Variants in PRDM12 observed in about 807,000 individuals in gnomAD.
PRDM12 encodes PR/SET domain 12.
PRDM12 carries 17 observed loss-of-function variants against 29.6 expected under a neutral mutation model. The observed-to-expected ratio is 0.57, with a 90% confidence interval of 0.39 to 0.86. PRDM12 has a LOEUF of 0.86. PRDM12 is among the 40% of genes least tolerant of loss of function. The pLI, the probability that PRDM12 is intolerant of heterozygous loss-of-function variation, is 0.00. For missense variants in PRDM12, 422 were observed against 510.8 expected (o/e 0.83, Z 1.68); for synonymous variants, 231 against 225.8 (o/e 1.02, Z -0.21).
intron 4 of PRDM12, 122 bp downstream of exon 4, chr9:130,678,762 T>G: frequency 1.3e-6 from 1 of 753,758 alleles, no homozygotes. Flanking sequence ...GTTCAATGTC[T>G]GGCAGCATTG....
rs143730218 is a variant in PRDM12 at position 130,674,825 on chromosome 9, G to A, written c.571-3704G>A. Among the ~76,000 whole-genome samples, 17 of 152,160 alleles carry A rather than the reference G, an allele frequency of 1.1e-4. 1 individual carries two copies. The South Asian group carries it at 2.9e-3, about 26-fold the overall frequency. ...AAATTAATTTTAGTACATTAAAAGC[G>A]TTCTTAGTAAATAAATGACTCACCC... On this transcript the variant is annotated intron_variant, in intron 3 of 4. Transcript: ENST00000253008.
intron 3 of PRDM12, among the ~76,000 whole-genome samples, chr9:130,669,342 AAT>A (rs1830765868): frequency 6.6e-6 from 1 of 151,332 alleles, no homozygotes; most frequent in Non-Finnish European, 1.5e-5. Context: ...TAAATAAATA[AAT>A]AAATAAAAAT....
intron 4 of PRDM12, among the ~76,000 whole-genome samples, 159 bp downstream of exon 4, chr9:130,678,799 A>T (rs1830866644): frequency 6.6e-6 from 1 of 152,030 alleles, no homozygotes; most frequent in East Asian, 1.9e-4. Context: ...AGGTCCAAGG[A>T]GGCTGATGCC....
At position 130,670,165 on chromosome 9, in the gene PRDM12, C is replaced by T. The variant is rs182357254; in HGVS notation, c.570+1852C>T. 6.4e-4 allele frequency among the ~76,000 whole-genome samples: 97 copies of T among 152,256 alleles called. 2 individuals are homozygous for T. Among genetic ancestry groups the T allele is most frequent in the Admixed American group, 2.2e-3 (34 of 15,288 alleles). On this transcript the variant is annotated intron_variant, in intron 3 of 4. Coordinates refer to ENST00000253008, the MANE Select transcript of PRDM12 (RefSeq NM_021619.3). ...TGCAGAGGCAGTCAGGTGCTTCCCA[C>T]CCCACTTCTCTGCTCCCCTTGGGGT...
intron 1 of PRDM12, among the ~76,000 whole-genome samples, chr9:130,665,194 G>T (rs1830720335): frequency 6.6e-6 from 1 of 152,134 alleles, no homozygotes; most frequent in Non-Finnish European, 1.5e-5. Flanking sequence ...CTTACTAGGC[G>T]TGTAATAGCA....
intron 3 of PRDM12, among the ~76,000 whole-genome samples, chr9:130,674,345 C>T (rs1830816295): frequency 6.6e-6 from 1 of 151,960 alleles, no homozygotes; most frequent in South Asian, 2.1e-4. Context: ...AACAGGGTTT[C>T]ACCATGTTGG....
Position 130,664,728 on chromosome 9 carries a change from C to G in PRDM12, c.75C>G (p.Ala25=), listed in dbSNP as rs761704631. The change falls in exon 1 of 5, where the codon GCC becomes GCG. Residue 25 remains alanine (A), a synonymous_variant. Transcript: ENST00000253008. The surrounding 1 kb of genome is among the most constrained non-coding windows in gnomAD (Gnocchi z 6.4). ...TGAAGGCGCCGGGACTGGCGCTGGC[C>G]GAGGTTATCACCTCCGACATCCTGC... is the stretch of plus-strand genomic sequence containing the variant. ...TGLKAPGLAL[A]EVITSDILHS... 1 of 1,610,358 alleles carries G rather than the reference C, an allele frequency of 6.2e-7. No individual in the cohort carries two copies. The highest frequency in any genetic ancestry group is 1.3e-5 in the African/African-American group (1 of 74,856).
intron 3 of PRDM12, among the ~76,000 whole-genome samples, chr9:130,672,348 A>G (rs547327364): frequency 6.6e-6 from 1 of 152,224 alleles, no homozygotes; most frequent in South Asian, 2.1e-4. Flanking sequence ...GGTGTGTGCC[A>G]CCACGCCTGG....
In PRDM12 at chr9:130,677,834, C is replaced by G. The variant is rs533473163; in HGVS notation, c.571-695C>G. ...CCATGAGCCTGGGGCAGGTCCTCCCCGAGAGCATCAGAGCCCCAACATCAT... is the reference window on the plus strand; with the variant it reads ...CCATGAGCCTGGGGCAGGTCCTCCCGGAGAGCATCAGAGCCCCAACATCAT... On this transcript the variant is annotated intron_variant, in intron 3 of 4. Transcript: ENST00000253008. 4.6e-5 allele frequency among the ~76,000 whole-genome samples: 7 copies of G among 152,282 alleles called. No homozygotes were observed. In the East Asian group the frequency reaches 1.2e-3, roughly 25 times the overall value.
chr9:130,678,681 G>A, intron 4 of PRDM12, 41 bp downstream of exon 4: 2 of 1,490,294 alleles, frequency 1.3e-6, no homozygotes, highest in South Asian at 1.2e-5. Flanking sequence ...CAGACCCATG[G>A]AGAGGGGAGC....
chr9:130,677,273 T>G (rs544105590), intron 3 of PRDM12, among the ~76,000 whole-genome samples: 1 of 152,300 alleles, frequency 6.6e-6, no homozygotes, highest in South Asian at 2.1e-4. Context: ...TGCAATGGTC[T>G]GAGGGTCTTC....
chr9:130,675,181 A>G (rs935394294), intron 3 of PRDM12, among the ~76,000 whole-genome samples: 2 of 152,286 alleles, frequency 1.3e-5, no homozygotes, highest in Admixed American at 6.5e-5. Flanking sequence ...CACCCAGCCT[A>G]CTGTTACTGT....
chr9:130,680,659 A>ATATATATTTTTTTTTTTT, intron 4 of PRDM12, among the ~76,000 whole-genome samples: 1 of 72,170 alleles, frequency 1.4e-5, no homozygotes, highest in African/African-American at 7.8e-5. Flanking sequence ...ATATATATAT[A>ATATATATTTTTTTTTTTT]TTTTTTTTTT....
rs62637587 is a variant in PRDM12, at chr9:130,664,834, A to G, written c.181A>G (p.Thr61Ala). 1.4e-5 allele frequency: 21 copies of G among 1,553,460 alleles called. No homozygotes were observed. In the African/African-American group the frequency reaches 2.3e-4, roughly 17 times the overall value. The change falls in exon 1 of 5, where the codon ACA (threonine) becomes GCA (alanine). Residue 61 changes from threonine to alanine, a missense_variant. Around this residue, in one of 5 missense-constraint regions of PRDM12, gnomAD observed 300 missense variants for 350.0 expected, o/e 0.86. Transcript: ENST00000253008. The surrounding 1 kb of genome is among the most constrained non-coding windows in gnomAD (Gnocchi z 6.4). ...CAAGAGCCACCACGCCAGCCCCAAG[A>G]CAGCCTTCACCGCCGAGGTGCTGGC... ...EDKSHHASPK[T>A]AFTAEVLAQS...
chr9:130,668,070 G>T lies in PRDM12; in HGVS notation c.415-88G>T. 1 of 1,480,092 alleles carries T rather than the reference G, an allele frequency of 6.8e-7. No individual in the cohort carries two copies. 91.7% of individuals were successfully genotyped at this position (1,480,092 alleles called of 1,614,324 possible). A position where few individuals can be genotyped will look rare whatever the true frequency, so the allele number is the denominator to read the frequency against. On this transcript the variant is annotated intron_variant, in intron 2 of 4. Transcript: ENST00000253008. This position sits in a 1 kb window ranked among gnomAD's most constrained non-coding sequence, Gnocchi z 4.0. ...ATCCACTTCCTGGGGCTGTTGTGAG[G>T]ATGGAGAGTGTGTGTGTGGATGTGC...
chr9:130,681,583 C>T lies in PRDM12; in HGVS notation c.1018C>T (p.Pro340Ser). The T allele has an allele frequency of 8.6e-7, 1 of 1,166,476 alleles. No individual in the cohort carries two copies. The highest frequency in any genetic ancestry group is 1.1e-6 in the Non-Finnish European group (1 of 945,054). The allele number at this position is 1,166,476 out of a possible 1,614,324, so 72.3% of individuals were successfully genotyped here. Residue 340 changes from proline (P) to serine (S), a missense_variant, in exon 5 of 5, where the codon CCG (proline) becomes TCG (serine). Coordinates refer to ENST00000253008, the MANE Select transcript of PRDM12 (RefSeq NM_021619.3). The surrounding 1 kb of genome is among the most constrained non-coding windows in gnomAD (Gnocchi z 8.1). ...GGCACACTCGCCCGCGCTGCCCGCC[C>T]CGCACGCGCACGCGCCCGCGCTCGC... ...LQAHSPALPA[P>S]HAHAPALAAA...
chr9:130,671,319 G>A (rs1830786519), intron 3 of PRDM12, among the ~76,000 whole-genome samples: 1 of 148,972 alleles, frequency 6.7e-6, no homozygotes, highest in African/African-American at 2.5e-5. Flanking sequence ...CTCCAGCCTG[G>A]GTGACAAAGT....
At chr9:130,666,872 G>T (rs1830738803) in intron 2 of PRDM12, 74 bp downstream of exon 2, 2 of 1,499,108 alleles carry the variant, frequency 1.3e-6, no homozygotes, top group African/African-American at 1.4e-5. Flanking sequence ...TCGGGCGTCC[G>T]GCCGTCGCCG....
intron 3 of PRDM12, among the ~76,000 whole-genome samples, chr9:130,677,601 G>A (rs1339761513): frequency 6.6e-6 from 1 of 152,226 alleles, no homozygotes; most frequent in Non-Finnish European, 1.5e-5. Context: ...GAGAGTGATA[G>A]GATGTCCCTT....
Sources: allele counts gnomAD v4.1 joint callset (sites outside exome capture counted in the v4.1 genomes callset), GRCh38; gene constraint gnomAD v4.1.1; regional missense constraint gnomAD v4.1.1; non-coding constraint Gnocchi (gnomAD v3.1); transcripts MANE v1.5; gene names NCBI Gene and HGNC (gene_info 2026-07-23, HGNC 2026-07-21).